CTNNA3: variants seen among roughly 807,000 people sequenced by gnomAD.
CTNNA3 encodes the protein catenin alpha-3.
Under a neutral mutation model 95.7 loss-of-function variants are expected in CTNNA3, and 76 were observed. The ratio of observed to expected loss-of-function variants is 0.79; its 90% CI spans 0.66 to 0.96. The LOEUF (loss-of-function observed/expected upper bound fraction) is 0.96, where lower values mean the gene tolerates loss of function less well. Ranked by LOEUF, CTNNA3 falls within the 40% of genes least tolerant of loss-of-function variation. CTNNA3 has a pLI of 0.00. For missense variants in CTNNA3, 1,191 were observed against 1,089.8 expected, an observed-to-expected ratio of 1.09 and a Z score of -1.31; for synonymous variants, 431 against 374.4, an observed-to-expected ratio of 1.15 and a Z score of -1.74.
At chr10:66,092,000 T>C (rs545541275) in intron 14 of CTNNA3, among the ~76,000 whole-genome samples, 1 of 152,054 alleles carries the variant, frequency 6.6e-6, no homozygotes. Flanking sequence ...AATTAATTTC[T>C]GCTCTTTCAC....
chr10:67,251,631 A>T (rs1446748225), intron 5 of CTNNA3, among the ~76,000 whole-genome samples: 1 of 152,206 alleles, frequency 6.6e-6, no homozygotes, highest in African/African-American at 2.4e-5. Context: ...CCAATGAGGA[A>T]GAAGAGGAAG....
intron 7 of CTNNA3, among the ~76,000 whole-genome samples, chr10:67,041,824 T>G (rs892871366): frequency 6.6e-6 from 1 of 152,106 alleles, no homozygotes; most frequent in Non-Finnish European, 1.5e-5. Context: ...TAAAGTGCTG[T>G]AGCTGATATA....
chr10:66,038,476 T>C (rs1420408665), intron 15 of CTNNA3, among the ~76,000 whole-genome samples: 1 of 152,068 alleles, frequency 6.6e-6, no homozygotes, highest in Non-Finnish European at 1.5e-5. Flanking sequence ...TGCTGTCTCA[T>C]TGTGAAAAAA....
At chr10:66,463,270 A>G (rs754667808) in intron 11 of CTNNA3, among the ~76,000 whole-genome samples, 2 of 152,110 alleles carry the variant, frequency 1.3e-5, no homozygotes, top group African/African-American at 2.4e-5. Flanking sequence ...CTCTTGCTCT[A>G]TTAGTTCCTT....
chr10:66,122,733 T>A (rs1466093396), intron 13 of CTNNA3, among the ~76,000 whole-genome samples: 1 of 152,166 alleles, frequency 6.6e-6, no homozygotes, highest in East Asian at 1.9e-4. Context: ...TAGGAATGCC[T>A]CACAATCATA....
intron 5 of CTNNA3, among the ~76,000 whole-genome samples, chr10:67,370,417 T>C (rs1233111129): frequency 2.0e-5 from 3 of 152,226 alleles, no homozygotes; most frequent in East Asian, 3.8e-4. Context: ...CTAGGTAAAT[T>C]TGAAAAATCT....
At chr10:67,175,719 T>C (rs1437836284) in intron 7 of CTNNA3, among the ~76,000 whole-genome samples, 1 of 152,162 alleles carries the variant, frequency 6.6e-6, no homozygotes, top group Non-Finnish European at 1.5e-5. Flanking sequence ...TTACTAATAA[T>C]TATATGTCAC....
chr10:66,939,794 TA>T (rs1847899021), intron 7 of CTNNA3, among the ~76,000 whole-genome samples: 1 of 152,188 alleles, frequency 6.6e-6, no homozygotes, highest in African/African-American at 2.4e-5. Context: ...CTTGTAGTTA[TA>T]AGGACTTTTG....
upstream of CTNNA3, among the ~76,000 whole-genome samples, chr10:67,698,527 G>C (rs926770523): frequency 6.6e-6 from 1 of 152,162 alleles, no homozygotes; most frequent in Admixed American, 6.5e-5. Context: ...TCTTTAGTCA[G>C]AATGGAGTAG....
intron 7 of CTNNA3, among the ~76,000 whole-genome samples, chr10:66,974,079 G>T (rs980338519): frequency 6.6e-6 from 1 of 152,100 alleles, no homozygotes; most frequent in Non-Finnish European, 1.5e-5. Flanking sequence ...GTTGCCCTGA[G>T]TCTCTCTGTA....
chr10:66,480,571 T>A (rs565033904), intron 11 of CTNNA3, among the ~76,000 whole-genome samples: 59 of 152,246 alleles, frequency 3.9e-4, no homozygotes, highest in African/African-American at 1.3e-3. Flanking sequence ...CCAATGATAT[T>A]ACATAATTTT....
intron 5 of CTNNA3, among the ~76,000 whole-genome samples, chr10:67,509,171 C>A (rs1003872027): frequency 6.6e-6 from 1 of 151,498 alleles, no homozygotes; most frequent in African/African-American, 2.4e-5. Flanking sequence ...CCACTGTGCC[C>A]GAACTAAATA....
At chr10:67,372,050 T>A (rs1212956070) in intron 5 of CTNNA3, among the ~76,000 whole-genome samples, 1 of 152,210 alleles carries the variant, frequency 6.6e-6, no homozygotes, top group Admixed American at 6.5e-5. Flanking sequence ...TCTGTTCATA[T>A]CTTTCGCCCA....
At chr10:67,594,876 C>A (rs987149726) in intron 3 of CTNNA3, among the ~76,000 whole-genome samples, 20 of 152,124 alleles carry the variant, frequency 1.3e-4, no homozygotes, top group African/African-American at 4.8e-4. Context: ...TTATCCCTCA[C>A]CCCACCTCCC....
intron 12 of CTNNA3, among the ~76,000 whole-genome samples, chr10:66,307,665 G>C (rs957666465): frequency 6.6e-6 from 1 of 152,060 alleles, no homozygotes; most frequent in Non-Finnish European, 1.5e-5. Flanking sequence ...ATTCTCATTT[G>C]CAAACTGTGA....
At chr10:67,250,586 T>C (rs778755187) in intron 5 of CTNNA3, among the ~76,000 whole-genome samples, 2 of 152,100 alleles carry the variant, frequency 1.3e-5, no homozygotes, top group African/African-American at 4.8e-5. Flanking sequence ...TGGGTATACC[T>C]GAGGGTCCTG....
chr10:67,007,881 G>A (rs1187783932), intron 7 of CTNNA3, among the ~76,000 whole-genome samples: 2 of 151,814 alleles, frequency 1.3e-5, no homozygotes, highest in Non-Finnish European at 2.9e-5. Flanking sequence ...ATATACAAAG[G>A]AAGCTACAGA....
chr10:66,443,046 G>T (rs187312738), intron 11 of CTNNA3, among the ~76,000 whole-genome samples: 8 of 152,254 alleles, frequency 5.3e-5, no homozygotes, highest in African/African-American at 1.9e-4. Flanking sequence ...TGCCCACAGA[G>T]TCTCACTGAT....
At chr10:66,622,533 C>T (rs994960766) in intron 9 of CTNNA3, among the ~76,000 whole-genome samples, 5 of 152,062 alleles carry the variant, frequency 3.3e-5, no homozygotes, top group African/African-American at 1.2e-4. Context: ...GGTTATTTTC[C>T]CTTCCTCTGC....
Sources: allele counts gnomAD v4.1 joint callset (sites outside exome capture counted in the v4.1 genomes callset), GRCh38; gene constraint gnomAD v4.1.1; transcripts MANE v1.5; gene names NCBI Gene and HGNC (gene_info 2026-07-23, HGNC 2026-07-21).